Variants in PKN2 observed in about 807,000 individuals in gnomAD.
The protein encoded by PKN2 is protein kinase N2, also known as serine/threonine-protein kinase N2.
In PKN2, 38 loss-of-function variants were observed where a neutral mutation model predicts 119.1. That is an observed-to-expected ratio of 0.32 (90% CI 0.25 to 0.42). PKN2 has a LOEUF of 0.42. Among genes scored for constraint, PKN2 ranks in the 10% least tolerant of loss-of-function variants. The pLI is 1.00. For synonymous variants in PKN2, 390 were observed against 384.9 expected (o/e 1.01, Z -0.15); for missense variants, 850 against 1,165.1 (o/e 0.73, Z 3.94).
intron 15 of PKN2, among the ~76,000 whole-genome samples, chr1:88,813,126 A>G (rs1671846842): frequency 1.3e-5 from 2 of 152,180 alleles, no homozygotes; most frequent in African/African-American, 2.4e-5. Context: ...TTTATATGAT[A>G]AAAAATTGAA....
At chr1:88,813,048 C>T (rs1478972046) in intron 15 of PKN2, among the ~76,000 whole-genome samples, 1 of 152,108 alleles carries the variant, frequency 6.6e-6, no homozygotes, top group East Asian at 1.9e-4. Flanking sequence ...CAGGTATCCT[C>T]TTTATTTTCT....
chr1:88,833,381 C>G lies in PKN2; in HGVS notation c.2888C>G (p.Pro963Arg). Reference sequence around the variant, plus strand: ...CCTATTCTGACTCCACCTCGAGAACCAAGGATACTTTCGGAAGAGGAGCAG... The same window carrying G: ...CCTATTCTGACTCCACCTCGAGAACGAAGGATACTTTCGGAAGAGGAGCAG... ...EAPILTPPRE[P>R]RILSEEEQEM... Residue 963 changes from proline (P) to arginine (R), a missense_variant, in exon 22 of 22, where the codon CCA (proline) becomes CGA (arginine). By Grantham distance (103) the Pro-to-Arg change is moderately radical. This residue lies in a region of PKN2 where 52 missense variants were observed against 39.9 expected (regional missense o/e 1.30). Transcript: ENST00000370521. The G allele has an allele frequency of 3.1e-6, 5 of 1,613,386 alleles. No homozygotes were observed. The highest frequency in any genetic ancestry group is 4.2e-6 in the Non-Finnish European group (5 of 1,179,490).
At chr1:88,771,957 C>A (rs900250643) in intron 6 of PKN2, 78 bp downstream of exon 6, 28 of 905,650 alleles carry the variant, frequency 3.1e-5, no homozygotes, top group Middle Eastern at 5.3e-4. Flanking sequence ...GAAAGAAAAA[C>A]CTGTGCATAG....
In PKN2 at chr1:88,760,393, A is replaced by G. The variant is rs932430523; in HGVS notation, c.504+17A>G. 7.4e-7 allele frequency: 1 copy of G among 1,357,638 alleles called. No homozygotes were observed. The highest frequency in any genetic ancestry group is 1.5e-5 in the African/African-American group (1 of 66,952). The allele number at this position is 1,357,638 out of a possible 1,614,324, so 84.1% of individuals were successfully genotyped here. A position where few individuals can be genotyped will look rare whatever the true frequency, so the allele number is the denominator to read the frequency against. ...TCTTCAAAGGTAAGTGTAGTTAATA[A>G]ATGTAACTATATAGTCAGTCATTAT... On this transcript the variant is annotated intron_variant, in intron 3 of 21. Transcript: ENST00000370521.
At chr1:88,804,669 T>C in intron 9 of PKN2, 135 bp downstream of exon 9, 1 of 871,250 alleles carries the variant, frequency 1.1e-6, no homozygotes, top group Non-Finnish European at 1.8e-6. Flanking sequence ...TGCCACTGAA[T>C]AGGTATGTGA....
At chr1:88,724,863 T>C (rs1314059046) in intron 1 of PKN2, among the ~76,000 whole-genome samples, 1 of 147,898 alleles carries the variant, frequency 6.8e-6, no homozygotes, top group Non-Finnish European at 1.5e-5. Flanking sequence ...TGAGCCACTG[T>C]GCCCGCCCCC....
chr1:88,688,028 C>T (rs1277693818), intron 1 of PKN2, among the ~76,000 whole-genome samples: 3 of 152,012 alleles, frequency 2.0e-5, no homozygotes, highest in Non-Finnish European at 2.9e-5. Flanking sequence ...GGAAATTGCT[C>T]ATGGTTACAT....
At chr1:88,686,597 CCAAGT>C (rs1666112007) in intron 1 of PKN2, among the ~76,000 whole-genome samples, 2 of 152,068 alleles carry the variant, frequency 1.3e-5, no homozygotes, top group South Asian at 2.1e-4. Flanking sequence ...TGTCATATAT[CCAAGT>C]CATTTTCTTG....
At chr1:88,726,352 C>G (rs1021411712) in intron 1 of PKN2, among the ~76,000 whole-genome samples, 1 of 152,074 alleles carries the variant, frequency 6.6e-6, no homozygotes, top group African/African-American at 2.4e-5. Flanking sequence ...AAGTTCTTTT[C>G]TAGTTTGCTT....
intron 8 of PKN2, among the ~76,000 whole-genome samples, chr1:88,786,587 T>A (rs1174284211): frequency 6.6e-6 from 1 of 152,132 alleles, no homozygotes; most frequent in Non-Finnish European, 1.5e-5. Flanking sequence ...CTATTAGGCT[T>A]GGTCACCCAG....
At chr1:88,797,686 C>G (rs786910) in intron 8 of PKN2, among the ~76,000 whole-genome samples, 88,211 of 151,718 alleles carry the variant, frequency 0.58, 25,917 homozygotes, top group Middle Eastern at 0.82. Context: ...ACTCTCATCT[C>G]GCTCCACACA....
At chr1:88,761,574 G>A (rs959640232) in intron 3 of PKN2, among the ~76,000 whole-genome samples, 4 of 124,756 alleles carry the variant, frequency 3.2e-5, no homozygotes, top group Admixed American at 1.9e-4. Context: ...CCAGGAGTTC[G>A]AAACCAGCCT....
At position 88,835,157 on chromosome 1, in the gene PKN2, T is replaced by C. The variant is rs1213520044; in HGVS notation, c.*1709T>C. 1 of 152,152 alleles carries C rather than the reference T, an allele frequency of 6.6e-6. No individual in the cohort carries two copies. Among genetic ancestry groups the C allele is most frequent in the East Asian group, 1.9e-4 (1 of 5,196 alleles). 9.4% of individuals were successfully genotyped at this position (152,152 alleles called of 1,614,324 possible). ...TTGTCCAGAGATCATTTATATTACC[T>C]TCCAAATTGTTTATTACCCAAGATC... On this transcript the variant is annotated 3_prime_UTR_variant, in exon 22 of 22. Transcript: ENST00000370521.
intron 16 of PKN2, chr1:88,815,478 T>C: frequency 9.3e-6 from 3 of 322,016 alleles, no homozygotes; most frequent in Non-Finnish European, 1.8e-5. Flanking sequence ...TCTGATTTAT[T>C]TTTAAAATTT....
chr1:88,807,820 G>T, intron 15 of PKN2, 45 bp downstream of exon 15: 1 of 1,178,850 alleles, frequency 8.5e-7, no homozygotes, highest in Non-Finnish European at 1.2e-6. Context: ...GAATTTGTAA[G>T]TTAAGAGAAA....
intron 6 of PKN2, among the ~76,000 whole-genome samples, chr1:88,784,144 T>C (rs1670470715): frequency 6.9e-6 from 1 of 145,142 alleles, no homozygotes; most frequent in South Asian, 2.1e-4. Flanking sequence ...TTTTTTTTTT[T>C]TTTTTTTTTT....
At position 88,807,895 on chromosome 1, in the gene PKN2, A is replaced by T. The variant is rs571901520; in HGVS notation, c.2102+120A>T. 204 of 617,930 alleles carry T rather than the reference A, an allele frequency of 3.3e-4. No individual in the cohort carries two copies. The African/African-American group carries it at 3.8e-3, about 11-fold the overall frequency. 38.3% of individuals were successfully genotyped at this position (617,930 alleles called of 1,614,324 possible). On this transcript the variant is annotated intron_variant, in intron 15 of 21. Transcript: ENST00000370521. ...AGTAATATGTGAAGAAATTAAATAT[A>T]ATGTATCTATATTTGACATAAGGTA... is the stretch of plus-strand genomic sequence containing the variant.
intron 1 of PKN2, among the ~76,000 whole-genome samples, chr1:88,695,126 CA>C (rs546629342): frequency 2.0e-3 from 275 of 137,104 alleles, no homozygotes; most frequent in African/African-American, 4.8e-3. Flanking sequence ...GACTCCATCT[CA>C]AAAAAAAAAA....
At position 88,753,677 on chromosome 1, in the gene PKN2, C is replaced by CGA. The variant is rs1329612709; in HGVS notation, c.350-6535_350-6534dup. Among the ~76,000 whole-genome samples, 18 of 141,216 alleles carry CGA rather than the reference C, an allele frequency of 1.3e-4. No individual in the cohort carries two copies. The East Asian group carries it at 2.3e-3, about 18-fold the overall frequency. 92.6% of individuals were successfully genotyped at this position (141,216 alleles called of 152,430 possible). ...CCGTCTTACATGGTTGGAGCAGGAG[C>CGA]GAGAGAGAGAGTGGGAGGGGCTACA... is the stretch of plus-strand genomic sequence containing the variant. On this transcript the variant is annotated intron_variant, in intron 2 of 21. Coordinates refer to ENST00000370521, the MANE Select transcript of PKN2 (RefSeq NM_006256.4).
Sources: gnomAD v4.1 joint callset for allele counts (sites outside exome capture counted in the v4.1 genomes callset) on GRCh38, gnomAD v4.1.1 for gene constraint, gnomAD v4.1.1 regional missense constraint, MANE v1.5 for transcripts, NCBI Gene and HGNC (gene_info 2026-07-23, HGNC 2026-07-21) for gene names.